Variants in RHBG observed in about 807,000 individuals in gnomAD.
RHBG encodes Rh family B glycoprotein, also known as ammonium transporter Rh type B.
Under a neutral mutation model 40.1 loss-of-function variants are expected in RHBG, and 39 were observed. The observed-to-expected ratio is 0.97, with a 90% CI of 0.75 to 1.27. The LOEUF (loss-of-function observed/expected upper bound fraction) is 1.27, where lower values mean the gene tolerates loss of function less well. RHBG is among the 50% of genes most tolerant of loss of function. The pLI, the probability that RHBG is intolerant of heterozygous loss-of-function variation, is 0.00. For missense variants in RHBG, 549 were observed against 588.1 expected (o/e 0.93, Z 0.69); for synonymous variants, 237 against 252.5 (o/e 0.94, Z 0.58).
intron 4 of RHBG, among the ~76,000 whole-genome samples, chr1:156,378,996 C>CTTT (rs1173676129): frequency 7.1e-6 from 1 of 141,548 alleles, no homozygotes; most frequent in African/African-American, 2.6e-5. Context: ...GCTTCTTCTT[C>CTTT]TTTTTTTTTT....
rs2101806094 is a variant in RHBG at position 156,382,809 on chromosome 1, C to A, written c.1174C>A (p.His392Asn). Reference sequence around the variant, plus strand: ...GCGCAGTGCCACGTCACAGGCCATGCACCAGCTCTTCGGGCTGTTTGTCAC... The same window carrying A: ...GCGCAGTGCCACGTCACAGGCCATGAACCAGCTCTTCGGGCTGTTTGTCAC... ...GQRSATSQAMHQLFGLFVTLM... is the reference protein window; with the variant it reads ...GQRSATSQAMNQLFGLFVTLM... The change falls in exon 8 of 10, where the codon CAC becomes AAC. Residue 392 changes from histidine (H) to asparagine (N), a missense_variant. Physicochemically the swap from His to Asn is moderately conservative, Grantham distance 68. Transcript: ENST00000537040. 3 of 1,614,240 alleles carry A rather than the reference C, an allele frequency of 1.9e-6. No homozygotes were observed. The highest frequency in any genetic ancestry group is 2.5e-6 in the Non-Finnish European group (3 of 1,180,034).
intron 1 of RHBG, among the ~76,000 whole-genome samples, chr1:156,376,760 G>A (rs1025344550): frequency 1.3e-5 from 2 of 152,206 alleles, no homozygotes; most frequent in African/African-American, 4.8e-5. Flanking sequence ...CTGAGTACAG[G>A]AGTTTGAGGC....
At position 156,377,553 on chromosome 1, in the gene RHBG, G is replaced by T. The variant is rs549348011; in HGVS notation, c.374+66G>T. The T allele has an allele frequency of 5.3e-6, 8 of 1,501,176 alleles. No homozygotes were observed. In the East Asian group the frequency reaches 1.8e-4, roughly 34 times the overall value. The allele number at this position is 1,501,176 out of a possible 1,614,324, so 93.0% of individuals were successfully genotyped here. A position where few individuals can be genotyped will look rare whatever the true frequency, so the allele number is the denominator to read the frequency against. ...GGGAGGCCCCTGCCCATGGGCCCCG[G>T]ATCTAGCCCTGTCCTTCAAGTCTGC... On this transcript the variant is annotated intron_variant, in intron 2 of 9. Transcript: ENST00000537040. This position sits in a 1 kb window ranked among gnomAD's most constrained non-coding sequence, Gnocchi z 4.6.
At chr1:156,384,655 C>T (rs772659497) in intron 9 of RHBG, 55 bp downstream of exon 9, 60 of 1,544,998 alleles carry the variant, frequency 3.9e-5, no homozygotes, top group Non-Finnish European at 5.0e-5. Flanking sequence ...TGCCTCGCCT[C>T]CTGTGGCCCA....
chr1:156,377,600 C>A lies in RHBG; in HGVS notation c.374+113C>A, dbSNP rs533798424. ...CTGCTTCCTGACTCACGATTCTGGG[C>A]GTCACTTGGTTTCTCTAGGTGTCCT... On this transcript the variant is annotated intron_variant, in intron 2 of 9. Coordinates refer to ENST00000537040, the MANE Select transcript of RHBG (RefSeq NM_020407.5). This position sits in a 1 kb window ranked among gnomAD's most constrained non-coding sequence, Gnocchi z 4.6. The A allele has an allele frequency of 1.5e-3, 1,758 of 1,167,662 alleles. 1 individual carries two copies. Among genetic ancestry groups the A allele is most frequent in the Non-Finnish European group, 2.0e-3 (1,689 of 840,506 alleles). The allele number at this position is 1,167,662 out of a possible 1,614,324, so 72.3% of individuals were successfully genotyped here. A position where few individuals can be genotyped will look rare whatever the true frequency, so the allele number is the denominator to read the frequency against.
intron 1 of RHBG, among the ~76,000 whole-genome samples, chr1:156,370,827 A>G (rs2985714): frequency 0.88 from 133,567 of 151,406 alleles, 59,111 homozygotes; most frequent in Non-Finnish European, 0.91. Flanking sequence ...GGCATCCTAA[A>G]CTTTTTGCCC....
At position 156,378,703 on chromosome 1, in the gene RHBG, C is replaced by T. The variant is rs563459923; in HGVS notation, c.673+304C>T. Reference sequence around the variant, plus strand: ...TAGAAAGTGGCCTCCTCAGCTGCCACGTCAGCCCCTCCTCCTCCCTCCTCG... The same window carrying T: ...TAGAAAGTGGCCTCCTCAGCTGCCATGTCAGCCCCTCCTCCTCCCTCCTCG... On this transcript the variant is annotated intron_variant, in intron 4 of 9. Transcript: ENST00000537040. 1.8e-4 allele frequency among the ~76,000 whole-genome samples: 27 copies of T among 152,312 alleles called. No homozygotes were observed. In the East Asian group the frequency reaches 4.1e-3, roughly 23 times the overall value.
rs752641 is a variant in RHBG, at chr1:156,382,222, T to C, written c.1112+21T>C. The C allele has an allele frequency of 0.029, 47,583 of 1,613,888 alleles. 4,326 individuals carry two copies. The African/African-American group carries it at 0.32, about 11-fold the overall frequency. On this transcript the variant is annotated intron_variant, in intron 7 of 9. Transcript: ENST00000537040. ...GATGGGTGAGTTTCCTCCCAACCCGTACTGCAGTCGTCATCCATCTGGAAT... is the reference window on the plus strand; with the variant it reads ...GATGGGTGAGTTTCCTCCCAACCCGCACTGCAGTCGTCATCCATCTGGAAT...
At chr1:156,381,599 G>C in intron 5 of RHBG, 86 bp downstream of exon 5, 5 of 1,489,414 alleles carry the variant, frequency 3.4e-6, no homozygotes, top group Non-Finnish European at 4.5e-6. Flanking sequence ...AGATTCTCCC[G>C]GGGAACAGAT....
chr1:156,371,893 G>A (rs1666885130), intron 1 of RHBG: 1 of 152,298 alleles, frequency 6.6e-6, no homozygotes, highest in Non-Finnish European at 1.5e-5. Flanking sequence ...TGCAATAAGA[G>A]AGATATAAAA....
At chr1:156,370,451 GA>G (rs10668520) in intron 1 of RHBG, among the ~76,000 whole-genome samples, 7 of 139,346 alleles carry the variant, frequency 5.0e-5, no homozygotes, top group Admixed American at 7.2e-5. Flanking sequence ...TCCATCTCGA[GA>G]AAAAAAAAAA....
chr1:156,378,996 C>CTT (rs1173676129), intron 4 of RHBG, among the ~76,000 whole-genome samples: 5 of 141,554 alleles, frequency 3.5e-5, no homozygotes, highest in South Asian at 2.2e-4. Flanking sequence ...GCTTCTTCTT[C>CTT]TTTTTTTTTT....
Position 156,378,051 on chromosome 1 carries a change from A to G in RHBG, c.436A>G (p.Lys146Glu), listed in dbSNP as rs1413300523. The G allele has an allele frequency of 6.3e-7, 1 of 1,597,670 alleles. No individual in the cohort carries two copies. The highest frequency in any genetic ancestry group is 1.7e-5 in the Admixed American group (1 of 58,322). ...VLISFGAVLG[K>E]TGPTQLLLMA... The stretch of plus-strand genomic sequence containing the variant: ...CATCTCCTTTGGTGCCGTCCTGGGC[A>G]AGACCGGGCCTACCCAGCTGCTGCT... Residue 146 changes from lysine to glutamate, a missense_variant, in exon 3 of 10, where the codon AAG (lysine) becomes GAG (glutamate). This residue lies in a region of RHBG where 399 missense variants were observed against 417.0 expected (regional missense o/e 0.96). Coordinates refer to ENST00000537040, the MANE Select transcript of RHBG (RefSeq NM_020407.5).
chr1:156,370,002 G>A (rs1296066954), intron 1 of RHBG, among the ~76,000 whole-genome samples: 1 of 152,048 alleles, frequency 6.6e-6, no homozygotes, highest in African/African-American at 2.4e-5. Flanking sequence ...CCTCAAAGCT[G>A]GTCCTTTCAG....
intron 1 of RHBG, among the ~76,000 whole-genome samples, chr1:156,373,917 T>C (rs1667014435): frequency 6.6e-6 from 1 of 152,222 alleles, no homozygotes; most frequent in Non-Finnish European, 1.5e-5. Flanking sequence ...TTCTGTTTTT[T>C]TCCCCCATCA....
At chr1:156,371,148 T>C (rs890248306) in intron 1 of RHBG, 1 of 432,610 alleles carries the variant, frequency 2.3e-6, no homozygotes, top group Non-Finnish European at 4.5e-6. Context: ...CCAGCTCTCA[T>C]TACCTTATTT....
chr1:156,378,553 C>T (rs2842851), intron 4 of RHBG, 154 bp downstream of exon 4: 141,556 of 358,220 alleles, frequency 0.4, 30,404 homozygotes, highest in Non-Finnish European at 0.44. Context: ...CTGGGACCTG[C>T]CTGCACTTAT....
At chr1:156,378,169 G>C in intron 3 of RHBG, 29 bp downstream of exon 3, 1 of 1,600,390 alleles carries the variant, frequency 6.2e-7, no homozygotes, top group Non-Finnish European at 8.5e-7. Context: ...ATGGAGTCGG[G>C]GGTGGGGGGT....
chr1:156,377,253 A>T lies in RHBG; in HGVS notation c.188-48A>T. 6.3e-7 allele frequency: 1 copy of T among 1,576,218 alleles called. No homozygotes were observed. Among genetic ancestry groups the T allele is most frequent in the Non-Finnish European group, 8.7e-7 (1 of 1,151,678 alleles). ...AGGGTAGCTGACTGGATTGTGGGCT[A>T]TGGCTAGAGCAGCCCCCAAGTGCCC... On this transcript the variant is annotated intron_variant, in intron 1 of 9. Coordinates refer to ENST00000537040, the MANE Select transcript of RHBG (RefSeq NM_020407.5). This position sits in a 1 kb window ranked among gnomAD's most constrained non-coding sequence, Gnocchi z 4.6.
Sources: allele counts gnomAD v4.1 joint callset (sites outside exome capture counted in the v4.1 genomes callset), GRCh38; gene constraint gnomAD v4.1.1; regional missense constraint gnomAD v4.1.1; non-coding constraint Gnocchi (gnomAD v3.1); transcripts MANE v1.5; gene names NCBI Gene and HGNC (gene_info 2026-07-23, HGNC 2026-07-21).